The following WWOX variants were observed in gnomAD, a reference collection of about 807,000 sequenced individuals.
The protein encoded by WWOX is WW domain-containing oxidoreductase.
Under a neutral mutation model 46.2 loss-of-function variants are expected in WWOX, and 69 were observed. The ratio of observed to expected loss-of-function variants is 1.49; its 90% CI spans 1.23 to 1.82. The LOEUF is 1.82. Ranked by LOEUF, WWOX falls within the 40% of genes most tolerant of loss-of-function variation. The pLI is 0.00. For missense variants in WWOX, 919 were observed against 542.6 expected (o/e 1.69, Z -6.89); for synonymous variants, 359 against 202.6 (o/e 1.77, Z -6.56).
chr16:78,981,216 A>G (rs1297674154), intron 8 of WWOX, among the ~76,000 whole-genome samples: 1 of 152,036 alleles, frequency 6.6e-6, no homozygotes, highest in African/African-American at 2.4e-5. Context: ...AGCATCAGAA[A>G]TGGCTTTGCC....
chr16:78,762,259 C>T (rs912947382), intron 8 of WWOX, among the ~76,000 whole-genome samples: 3 of 152,186 alleles, frequency 2.0e-5, no homozygotes, highest in Admixed American at 2.0e-4. Context: ...CTTTCATCCA[C>T]CCTCTTGGTA....
chr16:78,202,571 C>T (rs1045254990), intron 5 of WWOX, among the ~76,000 whole-genome samples: 4 of 152,184 alleles, frequency 2.6e-5, no homozygotes, highest in African/African-American at 9.7e-5. Flanking sequence ...GTTTGGGGAA[C>T]ATTTTTGTAA....
intron 8 of WWOX, among the ~76,000 whole-genome samples, chr16:78,557,987 C>G (rs9933688): frequency 0.4 from 61,267 of 151,836 alleles, 15,395 homozygotes; most frequent in African/African-American, 0.72. Flanking sequence ...CATTGGATTT[C>G]TACACTGCTG....
chr16:78,508,801 G>T (rs561419083), intron 8 of WWOX, among the ~76,000 whole-genome samples: 1 of 152,322 alleles, frequency 6.6e-6, no homozygotes, highest in South Asian at 2.1e-4. Flanking sequence ...TGATCTGGTG[G>T]CTGGGGTGCC....
rs1159243014 is a variant in WWOX, at chr16:78,753,825, AATATAT to A, written c.1056+321098_1056+321103del. The stretch of plus-strand genomic sequence containing the variant: ...TCAAAAAAAAAAAAAAAAAAAAAAA[AATATAT>A]ATATATATATATATATATATATATG... On this transcript the variant is annotated intron_variant, in intron 8 of 8. Transcript: ENST00000566780. Among the ~76,000 whole-genome samples the A allele has an allele frequency of 3.8e-3, 82 of 21,358 alleles. 2 individuals carry two copies. Among genetic ancestry groups the A allele is most frequent in the South Asian group, 6.7e-3 (2 of 298 alleles). The allele number at this position is 21,358 out of a possible 152,430, so 14.0% of individuals were successfully genotyped here.
intron 8 of WWOX, among the ~76,000 whole-genome samples, chr16:78,864,333 C>G (rs1404714836): frequency 6.6e-6 from 1 of 151,046 alleles, no homozygotes; most frequent in Non-Finnish European, 1.5e-5. Flanking sequence ...GTGGTGCAGT[C>G]ATGGTTCACT....
At chr16:78,825,132 T>C (rs573092002) in intron 8 of WWOX, 1 of 153,214 alleles carries the variant, frequency 6.5e-6, no homozygotes, top group Non-Finnish European at 1.5e-5. Flanking sequence ...GTGAGTTTCA[T>C]AAGGTCATAG....
Position 78,524,518 on chromosome 16 carries a change from C to T in WWOX, c.1056+91766C>T, listed in dbSNP as rs561520054. Among the ~76,000 whole-genome samples, 139 of 151,390 alleles carry T rather than the reference C, an allele frequency of 9.2e-4. 1 individual carries two copies. Among genetic ancestry groups the T allele is most frequent in the African/African-American group, 3.3e-3 (135 of 41,218 alleles). On this transcript the variant is annotated intron_variant, in intron 8 of 8. Transcript: ENST00000566780. The stretch of plus-strand genomic sequence containing the variant: ...TCACTGCAGCCTCTGCCTCCCGTGT[C>T]CAAGTGATTCTTCTACCTCAGCCTC...
intron 8 of WWOX, among the ~76,000 whole-genome samples, chr16:78,868,419 G>A (rs974576119): frequency 6.6e-6 from 1 of 151,870 alleles, no homozygotes; most frequent in African/African-American, 2.4e-5. Context: ...AATTTTGGGG[G>A]GTCAAGAAAA....
intron 5 of WWOX, among the ~76,000 whole-genome samples, chr16:78,373,243 T>G (rs1023881035): frequency 1.3e-5 from 2 of 152,214 alleles, no homozygotes; most frequent in African/African-American, 4.8e-5. Context: ...AGCACAATTT[T>G]ACCAAAAGTC....
At chr16:78,817,498 A>G (rs990195399) in intron 8 of WWOX, among the ~76,000 whole-genome samples, 6 of 152,232 alleles carry the variant, frequency 3.9e-5, no homozygotes, top group African/African-American at 1.2e-4. Context: ...GGCACACTGC[A>G]AAATAGATGT....
intron 8 of WWOX, among the ~76,000 whole-genome samples, chr16:78,827,953 T>C (rs2051709328): frequency 6.6e-6 from 1 of 152,194 alleles, no homozygotes; most frequent in African/African-American, 2.4e-5. Flanking sequence ...GCTAAGCTGG[T>C]TGACATGACT....
intron 8 of WWOX, among the ~76,000 whole-genome samples, chr16:78,610,034 G>C (rs192553602): frequency 7.4e-6 from 1 of 135,486 alleles, no homozygotes; most frequent in East Asian, 2.3e-4. Context: ...CTGCGAATCC[G>C]CTGAATGTCC....
intron 8 of WWOX, among the ~76,000 whole-genome samples, chr16:78,749,718 G>C (rs1265333356): frequency 6.6e-6 from 1 of 152,066 alleles, no homozygotes; most frequent in Non-Finnish European, 1.5e-5. Context: ...TGTGAAAATG[G>C]GCCAAATAGA....
At chr16:78,378,781 A>T (rs1322448427) in intron 5 of WWOX, among the ~76,000 whole-genome samples, 1 of 152,236 alleles carries the variant, frequency 6.6e-6, no homozygotes, top group South Asian at 2.1e-4. Flanking sequence ...ATAAGCTCTG[A>T]GTGTAGATTA....
At chr16:78,146,745 C>A (rs1161646336) in intron 4 of WWOX, among the ~76,000 whole-genome samples, 1 of 152,162 alleles carries the variant, frequency 6.6e-6, no homozygotes, top group Non-Finnish European at 1.5e-5. Flanking sequence ...CAATTGTATG[C>A]CCTGTGGGAA....
In WWOX at chr16:78,411,202, G is replaced by GA. The variant is rs552311379; in HGVS notation, c.606-13666dup. Among the ~76,000 whole-genome samples the GA allele has an allele frequency of 9.2e-5, 14 of 152,288 alleles. No homozygotes were observed. In the South Asian group the frequency reaches 2.7e-3, roughly 29 times the overall value. On this transcript the variant is annotated intron_variant, in intron 6 of 8. Coordinates refer to ENST00000566780, the MANE Select transcript of WWOX (RefSeq NM_016373.4). ...GATTACACAAAAGTATGAAAACCAG[G>GA]AAGCAGGGAGCATTGGGAGTCATTT...
intron 8 of WWOX, among the ~76,000 whole-genome samples, chr16:78,759,652 A>T (rs893265877): frequency 6.6e-6 from 1 of 152,220 alleles, no homozygotes; most frequent in Non-Finnish European, 1.5e-5. Flanking sequence ...ACAATCATCC[A>T]TTTGGAAGAA....
chr16:78,262,699 T>G (rs1410718040), intron 5 of WWOX, among the ~76,000 whole-genome samples: 2 of 152,168 alleles, frequency 1.3e-5, no homozygotes, highest in Non-Finnish European at 2.9e-5. Flanking sequence ...ATATTTAGAC[T>G]TACAGACCTG....
Sources: allele counts gnomAD v4.1 joint callset (sites outside exome capture counted in the v4.1 genomes callset), GRCh38; gene constraint gnomAD v4.1.1; transcripts MANE v1.5; gene names NCBI Gene and HGNC (gene_info 2026-07-23, HGNC 2026-07-21).